The following TIPIN variants were observed in gnomAD, a reference collection of about 807,000 sequenced individuals.
TIPIN encodes the protein TIMELESS interacting protein.
TIPIN carries 29 observed loss-of-function variants against 35.6 expected under a neutral mutation model. The ratio of observed to expected loss-of-function variants is 0.82; its 90% confidence interval spans 0.61 to 1.11. TIPIN has a LOEUF of 1.11. Ranked by LOEUF, TIPIN falls within the 50% of genes most tolerant of loss-of-function variation. The pLI, the probability that TIPIN is intolerant of heterozygous loss-of-function variation, is 0.00. For synonymous variants in TIPIN, 102 were observed against 121.5 expected (o/e 0.84, Z 1.06); for missense variants, 296 against 345.4 (o/e 0.86, Z 1.13).
chr15:66,348,010 T>TTC (rs979586567), intron 6 of TIPIN, among the ~76,000 whole-genome samples: 3 of 148,824 alleles, frequency 2.0e-5, no homozygotes, highest in Admixed American at 6.7e-5. Context: ...CTTTCTTTCT[T>TTC]TTTTTTTTTT....
intron 1 of TIPIN, among the ~76,000 whole-genome samples, chr15:66,364,567 G>GA (rs764930745): frequency 1.7e-4 from 26 of 152,068 alleles, no homozygotes; most frequent in Non-Finnish European, 3.4e-4. Context: ...ATTAATAAGA[G>GA]AAAAGGATTA....
chr15:66,340,171 CTTTTT>C (rs1213707475), intron 7 of TIPIN, among the ~76,000 whole-genome samples: 16 of 69,566 alleles, frequency 2.3e-4, no homozygotes, highest in African/African-American at 8.3e-4. Context: ...TGCGCCTGGC[CTTTTT>C]TTTTTTTTTT....
chr15:66,375,433 C>T (rs1210590028), intron 1 of TIPIN, among the ~76,000 whole-genome samples: 1 of 150,462 alleles, frequency 6.6e-6, no homozygotes, highest in Non-Finnish European at 1.5e-5. Context: ...CCTCGGCCTC[C>T]CAAAGTGCTG....
chr15:66,367,141 CT>C (rs2093258035), intron 1 of TIPIN, among the ~76,000 whole-genome samples: 1 of 150,418 alleles, frequency 6.6e-6, no homozygotes, highest in Non-Finnish European at 1.5e-5. Flanking sequence ...GATCGCGCCA[CT>C]GCACTCCAGC....
intron 2 of TIPIN, 121 bp downstream of exon 2, chr15:66,352,694 G>A: frequency 9.3e-7 from 1 of 1,072,362 alleles, no homozygotes; most frequent in Non-Finnish European, 1.3e-6. Context: ...TGTTGGCCAG[G>A]CTGGTCTCAA....
upstream of TIPIN, among the ~76,000 whole-genome samples, chr15:66,359,561 G>A (rs555112519): frequency 4.6e-5 from 7 of 151,904 alleles, no homozygotes; most frequent in South Asian, 2.1e-4. Context: ...CATGTTGGTC[G>A]GGCTGGTCTC....
At chr15:66,371,378 A>G in intron 1 of TIPIN, 1 of 985,230 alleles carries the variant, frequency 1.0e-6, no homozygotes, top group Non-Finnish European at 1.2e-6. Flanking sequence ...TTAATGTGAG[A>G]AAGGCCTATA....
At chr15:66,350,980 AAC>A (rs1352807308) in intron 4 of TIPIN, among the ~76,000 whole-genome samples, 1 of 151,690 alleles carries the variant, frequency 6.6e-6, no homozygotes, top group Non-Finnish European at 1.5e-5. Flanking sequence ...AGATATTAGA[AAC>A]ACTTGAAAAA....
chr15:66,356,342 C>T (rs1348388411), intron 1 of TIPIN, among the ~76,000 whole-genome samples: 1 of 152,174 alleles, frequency 6.6e-6, no homozygotes, highest in Non-Finnish European at 1.5e-5. Context: ...GGGATTTCTA[C>T]ATTGACACGC....
intron 1 of TIPIN, among the ~76,000 whole-genome samples, chr15:66,369,928 T>C (rs1040593075): frequency 6.6e-6 from 1 of 152,090 alleles, no homozygotes; most frequent in Admixed American, 6.6e-5. Flanking sequence ...AGGAAACGGA[T>C]GATGCAGGGG....
At chr15:66,370,654 G>A (rs1306661179) in intron 1 of TIPIN, among the ~76,000 whole-genome samples, 1 of 152,070 alleles carries the variant, frequency 6.6e-6, no homozygotes, top group South Asian at 2.1e-4. Context: ...AGTTCTCTCA[G>A]GATTAAAGTA....
At chr15:66,347,190 T>G (rs771991480) in intron 6 of TIPIN, 3 of 498,722 alleles carry the variant, frequency 6.0e-6, no homozygotes, top group Non-Finnish European at 1.2e-5. Flanking sequence ...TGTTAAAAGT[T>G]AAAAAACAAA....
intron 6 of TIPIN, 95 bp from the exon 7 acceptor site, chr15:66,341,451 C>G: frequency 1.9e-6 from 2 of 1,055,540 alleles, no homozygotes; most frequent in Non-Finnish European, 2.7e-6. Context: ...GGTGACAGAC[C>G]TGAAAAAACA....
At position 66,365,299 on chromosome 15, in the gene TIPIN, C is replaced by A. The variant is rs75869884; in HGVS notation, c.-8-12344G>T. On this transcript the variant is annotated intron_variant, in intron 1 of 7. Coordinates refer to the TIPIN transcript ENST00000562124. Reference sequence around the variant, plus strand: ...AATACATTATACATAATACATAATACATAATACATTCTAATACATTAACAT... The same window carrying A: ...AATACATTATACATAATACATAATAAATAATACATTCTAATACATTAACAT... Among the ~76,000 whole-genome samples, 1,480 of 152,208 alleles carry A rather than the reference C, an allele frequency of 9.7e-3. 53 individuals carry two copies. The highest frequency in any genetic ancestry group is 0.062 in the Admixed American group (938 of 15,250).
At chr15:66,354,244 A>G (rs1213701020) in intron 1 of TIPIN, among the ~76,000 whole-genome samples, 5 of 152,148 alleles carry the variant, frequency 3.3e-5, no homozygotes, top group Admixed American at 2.6e-4. Flanking sequence ...TACACTTCCT[A>G]AACGCCTGAA....
intron 6 of TIPIN, among the ~76,000 whole-genome samples, chr15:66,342,186 C>CAAAGAAAA (rs1491260689): frequency 9.2e-6 from 1 of 108,518 alleles, no homozygotes; most frequent in East Asian, 3.0e-4. Flanking sequence ...AAGACTGTCT[C>CAAAGAAAA]AAAAAAAAAA....
upstream of TIPIN, among the ~76,000 whole-genome samples, chr15:66,359,818 CGCCGCCCCCA>C (rs1298174568): frequency 6.6e-6 from 1 of 152,174 alleles, no homozygotes; most frequent in Non-Finnish European, 1.5e-5. Context: ...ACCTTCCCCA[CGCCGCCCCCA>C]GCCTGCCAAA....
chr15:66,337,766 C>CAAAAAAAAA (rs199560907), intron 7 of TIPIN, among the ~76,000 whole-genome samples: 4 of 67,830 alleles, frequency 5.9e-5, no homozygotes, highest in South Asian at 4.9e-4. Flanking sequence ...AACAAAACAT[C>CAAAAAAAAA]AAAAAAAATA....
intron 6 of TIPIN, among the ~76,000 whole-genome samples, chr15:66,348,819 C>T (rs1327305707): frequency 6.6e-6 from 1 of 152,106 alleles, no homozygotes; most frequent in African/African-American, 2.4e-5. Flanking sequence ...ATGGCATGCA[C>T]CTGCAGTCCC....
Sources: gnomAD v4.1 joint callset for allele counts (sites outside exome capture counted in the v4.1 genomes callset) on GRCh38, gnomAD v4.1.1 for gene constraint, MANE v1.5 for transcripts, NCBI Gene and HGNC (gene_info 2026-07-23, HGNC 2026-07-21) for gene names.